FREM2: variants seen among roughly 807,000 people sequenced by gnomAD.
FREM2 encodes the protein FRAS1-related extracellular matrix protein 2.
A neutral mutation model predicts 219.9 loss-of-function variants in FREM2; 119 were observed. That is an observed-to-expected ratio of 0.54 (90% CI 0.47 to 0.63). The LOEUF is 0.63. Among genes scored for constraint, FREM2 ranks in the 30% least tolerant of loss-of-function variants. FREM2 has a pLI of 0.00. For synonymous variants in FREM2, 1,562 were observed against 1,522.8 expected, an observed-to-expected ratio of 1.03 and a Z score of -0.60; for missense variants, 4,030 against 3,993.6, an observed-to-expected ratio of 1.01 and a Z score of -0.25.
intron 9 of FREM2, 42 bp downstream of exon 9, chr13:38,850,277 C>T: frequency 6.6e-7 from 1 of 1,518,062 alleles, no homozygotes; most frequent in Non-Finnish European, 9.1e-7. Flanking sequence ...TTTGAAGAAG[C>T]CGAATTTTTA....
At chr13:38,721,450 G>A (rs1230061034) in intron 2 of FREM2, among the ~76,000 whole-genome samples, 1 of 152,130 alleles carries the variant, frequency 6.6e-6, no homozygotes, top group African/African-American at 2.4e-5. Context: ...ACCCAGGGAG[G>A]GGGACGCAGC....
chr13:38,692,282 C>A lies in FREM2; in HGVS notation c.4938C>A (p.Ile1646=). The part of the protein sequence containing the change: ...FETRRPQVMK[I]QVLAVDNSVP... ...CAAGGAGACCCCAAGTGATGAAGAT[C>A]CAGGTCTTGGCTGTTGACAACAGTG... The change falls in exon 1 of 24, where the codon ATC becomes ATA. Residue 1646 remains isoleucine, a synonymous_variant. Transcript: ENST00000280481. The A allele has an allele frequency of 6.2e-7, 1 of 1,613,520 alleles. No homozygotes were observed. Among genetic ancestry groups the A allele is most frequent in the Non-Finnish European group, 8.5e-7 (1 of 1,179,680 alleles).
chr13:38,834,126 A>G (rs9548470), intron 6 of FREM2, among the ~76,000 whole-genome samples: 34,800 of 151,742 alleles, frequency 0.23, 5,372 homozygotes, highest in African/African-American at 0.43. Context: ...CCATCAACCC[A>G]TCATCTACAT....
chr13:38,847,202 A>AG (rs1566164827), intron 7 of FREM2, among the ~76,000 whole-genome samples: 2 of 152,142 alleles, frequency 1.3e-5, no homozygotes, highest in Non-Finnish European at 2.9e-5. Flanking sequence ...GTTATAAAAA[A>AG]GTACTAACTA....
Position 38,692,382 on chromosome 13 carries a change from A to C in FREM2, c.5038A>C (p.Thr1680Pro), listed in dbSNP as rs1210486182. ...CACTGGCCACTTGGGGTTCATGATC[A>C]CAAGCAAAATATTGAAAGTGGAGGA... Reference protein sequence around the residue: ...LATGHLGFMITSKILKVEDRD... With the variant: ...LATGHLGFMIPSKILKVEDRD... The change falls in exon 1 of 24, where the codon ACA becomes CCA. Residue 1680 changes from threonine to proline, a missense_variant. Around this residue, in one of 2 missense-constraint regions of FREM2, gnomAD observed 3,102 missense variants for 2,950.7 expected, o/e 1.05. Transcript: ENST00000280481. 1.2e-6 allele frequency: 2 copies of C among 1,608,800 alleles called. No homozygotes were observed. The highest frequency in any genetic ancestry group is 2.2e-5 in the East Asian group (1 of 44,812).
chr13:38,697,140 A>G (rs914803918), intron 1 of FREM2, among the ~76,000 whole-genome samples: 1 of 152,130 alleles, frequency 6.6e-6, no homozygotes, highest in African/African-American at 2.4e-5. Context: ...CTCAACAGGG[A>G]GTCATCAGTT....
At chr13:38,762,957 G>C (rs1026272263) in intron 2 of FREM2, among the ~76,000 whole-genome samples, 2 of 151,984 alleles carry the variant, frequency 1.3e-5, no homozygotes, top group African/African-American at 4.8e-5. Flanking sequence ...TTATTGATTT[G>C]ATACACTATA....
At chr13:38,857,157 G>A (rs1218946951) in intron 12 of FREM2, among the ~76,000 whole-genome samples, 1 of 152,092 alleles carries the variant, frequency 6.6e-6, no homozygotes, top group Non-Finnish European at 1.5e-5. Flanking sequence ...TCTTTTGGGT[G>A]AAAAGGATAG....
chr13:38,790,928 A>T (rs781109049), intron 6 of FREM2, among the ~76,000 whole-genome samples: 5 of 152,178 alleles, frequency 3.3e-5, no homozygotes, highest in Non-Finnish European at 5.9e-5. Context: ...GTTTCCCACA[A>T]TGCATTATTC....
chr13:38,752,440 C>T (rs866617261), intron 2 of FREM2, among the ~76,000 whole-genome samples: 7 of 152,164 alleles, frequency 4.6e-5, no homozygotes, highest in Non-Finnish European at 8.8e-5. Flanking sequence ...AAATTATCTT[C>T]AGGAAGTTCC....
At chr13:38,854,063 C>T (rs1006851922) in intron 11 of FREM2, among the ~76,000 whole-genome samples, 76 of 150,874 alleles carry the variant, frequency 5.0e-4, no homozygotes, top group African/African-American at 1.8e-3. Context: ...GAATAGTTTT[C>T]TGAAACATTT....
At chr13:38,795,491 T>C (rs146529895) in intron 6 of FREM2, among the ~76,000 whole-genome samples, 69 of 152,190 alleles carry the variant, frequency 4.5e-4, no homozygotes, top group Admixed American at 1.3e-3. Flanking sequence ...ATGAGGTACA[T>C]GTGAGTATTT....
intron 1 of FREM2, among the ~76,000 whole-genome samples, chr13:38,693,694 GCAA>G (rs1241326447): frequency 6.6e-6 from 1 of 152,188 alleles, no homozygotes; most frequent in African/African-American, 2.4e-5. Context: ...TTCTTTTCCT[GCAA>G]CTGTGTTGTA....
intron 16 of FREM2, among the ~76,000 whole-genome samples, chr13:38,870,408 A>C (rs949024708): frequency 6.6e-6 from 1 of 152,218 alleles, no homozygotes; most frequent in Non-Finnish European, 1.5e-5. Context: ...AGCAATAGGG[A>C]CATATGAAAT....
In FREM2 at chr13:38,840,422, C is replaced by CT. The variant is rs66970622; in HGVS notation, c.6020-6134dup. Among the ~76,000 whole-genome samples the CT allele has an allele frequency of 2.9e-3, 380 of 132,120 alleles. 1 individual carries two copies. The highest frequency in any genetic ancestry group is 0.012 in the Middle Eastern group (3 of 258). 86.7% of individuals were successfully genotyped at this position (132,120 alleles called of 152,430 possible). A position where few individuals can be genotyped will look rare whatever the true frequency, so the allele number is the denominator to read the frequency against. ...TTCAGCCACCTTGCCGGGATTTCTCCTTTTTTTTTTTTTTTTTAATGCGGA... is the reference window on the plus strand; with the variant it reads ...TTCAGCCACCTTGCCGGGATTTCTCCTTTTTTTTTTTTTTTTTTAATGCGGA... On this transcript the variant is annotated intron_variant, in intron 6 of 23. Transcript: ENST00000280481.
At chr13:38,717,589 G>C (rs895408302) in intron 2 of FREM2, among the ~76,000 whole-genome samples, 2 of 151,658 alleles carry the variant, frequency 1.3e-5, no homozygotes, top group African/African-American at 4.8e-5. Context: ...GCTAATTTTT[G>C]TATTTTTAGT....
At chr13:38,741,064 A>G (rs1300655880) in intron 2 of FREM2, among the ~76,000 whole-genome samples, 1 of 152,214 alleles carries the variant, frequency 6.6e-6, no homozygotes. Flanking sequence ...TCCTTACCCT[A>G]TAAGGTATTT....
intron 2 of FREM2, among the ~76,000 whole-genome samples, chr13:38,736,733 A>C (rs561504613): frequency 1.3e-5 from 2 of 152,292 alleles, no homozygotes; most frequent in South Asian, 4.1e-4. Context: ...AATACTGAAA[A>C]TCATCATGTA....
At chr13:38,745,003 CAG>C (rs1872409169) in intron 2 of FREM2, among the ~76,000 whole-genome samples, 2 of 152,120 alleles carry the variant, frequency 1.3e-5, no homozygotes, top group Admixed American at 6.5e-5. Flanking sequence ...AGAAGTCAAA[CAG>C]TATATATTCT....
Sources: gnomAD v4.1 joint callset for allele counts (sites outside exome capture counted in the v4.1 genomes callset) on GRCh38, gnomAD v4.1.1 for gene constraint, gnomAD v4.1.1 regional missense constraint, MANE v1.5 for transcripts, NCBI Gene and HGNC (gene_info 2026-07-23, HGNC 2026-07-21) for gene names.